The following FLRT2 variants were observed in gnomAD, a reference collection of about 807,000 sequenced individuals.
The protein encoded by FLRT2 is leucine-rich repeat transmembrane protein FLRT2.
Under a neutral mutation model 40.0 loss-of-function variants are expected in FLRT2, and 15 were observed. The ratio of observed to expected loss-of-function variants is 0.38; its 90% confidence interval spans 0.25 to 0.58. The LOEUF is 0.58. Ranked by LOEUF, FLRT2 falls within the 20% of genes least tolerant of loss-of-function variation. FLRT2 has a pLI of 0.71. For missense variants in FLRT2, 726 were observed against 840.0 expected, an observed-to-expected ratio of 0.86 and a Z score of 1.68; for synonymous variants, 380 against 336.8, an observed-to-expected ratio of 1.13 and a Z score of -1.41.
At chr14:85,576,233 C>T in intron 1 of FLRT2, among the ~76,000 whole-genome samples, 1 of 152,206 alleles carries the variant, frequency 6.6e-6, no homozygotes, top group East Asian at 1.9e-4. Context: ...GGGTTTCCTT[C>T]AGCTCTAGTG....
chr14:85,548,882 C>A (rs1889439641), intron 1 of FLRT2, among the ~76,000 whole-genome samples: 3 of 152,138 alleles, frequency 2.0e-5, no homozygotes, highest in Admixed American at 6.5e-5. Flanking sequence ...CCATCCTGTG[C>A]CCATAAAAAC....
At chr14:85,579,071 C>T (rs1259777838) in intron 1 of FLRT2, among the ~76,000 whole-genome samples, 1 of 152,122 alleles carries the variant, frequency 6.6e-6, no homozygotes, top group Non-Finnish European at 1.5e-5. Flanking sequence ...AATCTCTGTT[C>T]CTCTCCCACC....
chr14:85,620,179 G>A (rs1158679545), intron 1 of FLRT2, among the ~76,000 whole-genome samples: 1 of 152,236 alleles, frequency 6.6e-6, no homozygotes, highest in East Asian at 1.9e-4. Flanking sequence ...AAGTCTCTCT[G>A]CCTTCATACA....
intron 1 of FLRT2, among the ~76,000 whole-genome samples, chr14:85,554,345 A>G (rs867796117): frequency 6.6e-6 from 1 of 152,230 alleles, no homozygotes; most frequent in South Asian, 2.1e-4. Context: ...AAGTGCCCTT[A>G]CAACAGAGTG....
chr14:85,582,475 G>A (rs575512923), intron 1 of FLRT2, among the ~76,000 whole-genome samples: 1 of 152,242 alleles, frequency 6.6e-6, no homozygotes, highest in Non-Finnish European at 1.5e-5. Context: ...TCTAGAATTA[G>A]GCCAGTCAGA....
In FLRT2 at chr14:85,628,999, C is replaced by T. The variant is rs540878075; in HGVS notation, c.*5502C>T. The stretch of plus-strand genomic sequence containing the variant: ...GGCAAATCTTCTCCCTCACTATGTC[C>T]CTGAAGAAATCTCTTCATCTGATAT... On this transcript the variant is annotated 3_prime_UTR_variant, in exon 2 of 2. Coordinates refer to ENST00000330753, the MANE Select transcript of FLRT2 (RefSeq NM_013231.6). 1.3e-5 allele frequency: 2 copies of T among 152,154 alleles called. No homozygotes were observed. The highest frequency in any genetic ancestry group is 2.9e-5 in the Non-Finnish European group (2 of 68,048). 9.4% of individuals were successfully genotyped at this position (152,154 alleles called of 1,614,324 possible). A position where few individuals can be genotyped will look rare whatever the true frequency, so the allele number is the denominator to read the frequency against.
At chr14:85,594,679 T>TA (rs1204397313) in intron 1 of FLRT2, among the ~76,000 whole-genome samples, 1 of 152,204 alleles carries the variant, frequency 6.6e-6, no homozygotes, top group Non-Finnish European at 1.5e-5. Context: ...ACCCGTCTCC[T>TA]ATTCAATTTT....
rs1894317061 is a variant in FLRT2 at position 85,646,772 on chromosome 14, A to G, written c.*23275A>G. 1 of 152,156 alleles carries G rather than the reference A, an allele frequency of 6.6e-6. No individual in the cohort carries two copies. The highest frequency in any genetic ancestry group is 1.5e-5 in the Non-Finnish European group (1 of 68,112). 9.4% of individuals were successfully genotyped at this position (152,156 alleles called of 1,614,324 possible). On this transcript the variant is annotated 3_prime_UTR_variant, in exon 2 of 2. Transcript: ENST00000330753. Reference sequence around the variant, plus strand: ...GATGAGATTGCAGGTGCCCACCACTACACCCAGCTAATTTTTGTTTTTTTT... The same window carrying G: ...GATGAGATTGCAGGTGCCCACCACTGCACCCAGCTAATTTTTGTTTTTTTT...
chr14:85,544,974 A>T (rs138284555), intron 1 of FLRT2, among the ~76,000 whole-genome samples: 207 of 152,228 alleles, frequency 1.4e-3, no homozygotes, highest in African/African-American at 4.6e-3. Flanking sequence ...CTTTGGTTTC[A>T]TCTGGGCTGT....
chr14:85,612,988 C>T (rs1317919090), intron 1 of FLRT2, among the ~76,000 whole-genome samples: 8 of 151,856 alleles, frequency 5.3e-5, no homozygotes, highest in Admixed American at 1.3e-4. Context: ...GGAAGTAGGC[C>T]TTGTTTATAT....
chr14:85,547,447 C>T (rs1365114135), intron 1 of FLRT2, among the ~76,000 whole-genome samples: 2 of 151,860 alleles, frequency 1.3e-5, no homozygotes, highest in East Asian at 3.9e-4. Context: ...CCTCAGCTTC[C>T]CGAGTAGCTG....
Position 85,644,355 on chromosome 14 carries a change from C to G in FLRT2, c.*20858C>G, listed in dbSNP as rs561473199. ...AGGCAAAGAACACTAAAGTAGTCTG[C>G]TTTCACTTTCATTAACACGCCCCAT... On this transcript the variant is annotated 3_prime_UTR_variant, in exon 2 of 2. Transcript: ENST00000330753. The G allele has an allele frequency of 1.3e-5, 2 of 152,242 alleles. No homozygotes were observed. Among genetic ancestry groups the G allele is most frequent in the East Asian group, 3.9e-4 (2 of 5,172 alleles). The allele number at this position is 152,242 out of a possible 1,614,324, so 9.4% of individuals were successfully genotyped here.
At chr14:85,573,305 C>T (rs1446157567) in intron 1 of FLRT2, among the ~76,000 whole-genome samples, 2 of 152,076 alleles carry the variant, frequency 1.3e-5, no homozygotes, top group Non-Finnish European at 2.9e-5. Flanking sequence ...ACATCACACT[C>T]ACACATCTCT....
At position 85,639,693 on chromosome 14, in the gene FLRT2, T is replaced by G. The variant is rs779838264; in HGVS notation, c.*16196T>G. On this transcript the variant is annotated 3_prime_UTR_variant, in exon 2 of 2. Transcript: ENST00000330753. ...TTATGTGCATTACCCATTTTAAAGA[T>G]GGAAACACTGAAGCCCCCAGAAAGG... is the stretch of plus-strand genomic sequence containing the variant. The G allele has an allele frequency of 2.6e-5, 4 of 152,052 alleles. No individual in the cohort carries two copies. Among genetic ancestry groups the G allele is most frequent in the Non-Finnish European group, 5.9e-5 (4 of 68,014 alleles). 9.4% of individuals were successfully genotyped at this position (152,052 alleles called of 1,614,324 possible).
chr14:85,587,625 G>A (rs1049622421), intron 1 of FLRT2, among the ~76,000 whole-genome samples: 5 of 151,276 alleles, frequency 3.3e-5, no homozygotes, highest in African/African-American at 7.3e-5. Flanking sequence ...AAACCCTACC[G>A]CAGGTTCAGC....
intron 1 of FLRT2, among the ~76,000 whole-genome samples, chr14:85,558,979 T>C (rs746491944): frequency 2.6e-5 from 4 of 152,230 alleles, no homozygotes; most frequent in Non-Finnish European, 5.9e-5. Context: ...TTTAGTGTTC[T>C]AATCAAATAA....
In FLRT2 at chr14:85,596,343, C is replaced by A. The variant is rs1038721128; in HGVS notation, c.-376-24796C>A. ...GAATCTTAAATAGAATCAGGCGTTT[C>A]TGTAAATATTGAAACAACTGGACAT... On this transcript the variant is annotated intron_variant, in intron 1 of 1. Transcript: ENST00000330753. 8.5e-5 allele frequency among the ~76,000 whole-genome samples: 13 copies of A among 152,328 alleles called. No individual in the cohort carries two copies. In the Middle Eastern group the frequency reaches 0.01, roughly 120 times the overall value.
Position 85,641,953 on chromosome 14 carries a change from A to C in FLRT2, c.*18456A>C, listed in dbSNP as rs925931588. On this transcript the variant is annotated 3_prime_UTR_variant, in exon 2 of 2. Transcript: ENST00000330753. ...CTTTGGTGACCAATGTGATTGCTTCAGAATTTTATGATGAGAATGTAAATA... is the reference window on the plus strand; with the variant it reads ...CTTTGGTGACCAATGTGATTGCTTCCGAATTTTATGATGAGAATGTAAATA... 6.6e-6 allele frequency: 1 copy of C among 152,172 alleles called. No homozygotes were observed. Among genetic ancestry groups the C allele is most frequent in the Admixed American group, 6.5e-5 (1 of 15,272 alleles). 9.4% of individuals were successfully genotyped at this position (152,172 alleles called of 1,614,324 possible). A position where few individuals can be genotyped will look rare whatever the true frequency, so the allele number is the denominator to read the frequency against.
chr14:85,601,948 A>T (rs1892394379), intron 1 of FLRT2, among the ~76,000 whole-genome samples: 1 of 152,154 alleles, frequency 6.6e-6, no homozygotes, highest in Non-Finnish European at 1.5e-5. Flanking sequence ...TGCTTCTGGA[A>T]GTCAGGTGGG....
Sources: allele counts gnomAD v4.1 joint callset (sites outside exome capture counted in the v4.1 genomes callset), GRCh38; gene constraint gnomAD v4.1.1; transcripts MANE v1.5; gene names NCBI Gene and HGNC (gene_info 2026-07-23, HGNC 2026-07-21).